Variants in GALNT14 observed in about 807,000 individuals in gnomAD.
The protein encoded by GALNT14 is polypeptide N-acetylgalactosaminyltransferase 14.
In GALNT14, 60 loss-of-function variants were observed where a neutral mutation model predicts 77.5. The ratio of observed to expected loss-of-function variants is 0.77; its 90% confidence interval spans 0.63 to 0.96. GALNT14 has a LOEUF of 0.96. GALNT14 is among the 40% of genes least tolerant of loss of function. GALNT14 has a pLI of 0.00. For synonymous variants in GALNT14, 280 were observed against 281.7 expected, an observed-to-expected ratio of 0.99 and a Z score of 0.06; for missense variants, 710 against 731.0, an observed-to-expected ratio of 0.97 and a Z score of 0.33.
Position 30,932,095 on chromosome 2 carries a change from G to T in GALNT14, c.1031C>A (p.Pro344His). 6.3e-7 allele frequency: 1 copy of T among 1,575,464 alleles called. No homozygotes were observed. Among genetic ancestry groups the T allele is most frequent in the East Asian group, 2.4e-5 (1 of 41,644 alleles). Residue 344 changes from proline (P) to histidine (H), a missense_variant, in exon 10 of 15, where the codon CCT becomes CAT. Pro to His is a moderately conservative substitution (Grantham distance 77). Coordinates refer to ENST00000349752, the MANE Select transcript of GALNT14 (RefSeq NM_024572.4). ...TATATACGTGTTGGCATTTCCATCA[G>T]GGAAAACGTAGGGGTGCTTCTTCCG... ...VFRKKHPYVF[P>H]DGNANTYIKN... is the part of the protein sequence containing the mutation.
intron 1 of GALNT14, among the ~76,000 whole-genome samples, chr2:31,058,105 C>T (rs1169815424): frequency 1.3e-5 from 2 of 152,176 alleles, no homozygotes; most frequent in African/African-American, 2.4e-5. Flanking sequence ...ATTCCCTTAC[C>T]TTTGCCAAGA....
chr2:31,021,188 G>A (rs979531393), intron 1 of GALNT14, among the ~76,000 whole-genome samples: 1 of 152,176 alleles, frequency 6.6e-6, no homozygotes, highest in East Asian at 1.9e-4. Context: ...GGGCCATGTG[G>A]AGCTGTGGTC....
chr2:31,116,018 G>A (rs1678088638), intron 1 of GALNT14, among the ~76,000 whole-genome samples: 1 of 152,116 alleles, frequency 6.6e-6, no homozygotes, highest in Non-Finnish European at 1.5e-5. Context: ...GACAGATCCT[G>A]TCTCCAAAAT....
chr2:31,028,956 T>C (rs1672241153), intron 1 of GALNT14, among the ~76,000 whole-genome samples: 1 of 152,166 alleles, frequency 6.6e-6, no homozygotes, highest in Admixed American at 6.5e-5. Flanking sequence ...CTTTCTAGAA[T>C]GAAGAATGAG....
At chr2:30,890,881 G>A in the GALNT14 span, among the ~76,000 whole-genome samples, 1 of 152,218 alleles carries the variant, frequency 6.6e-6, no homozygotes, top group African/African-American at 2.4e-5. Context: ...TGCATGGGTA[G>A]TTGGGGGAAT....
chr2:30,988,363 G>C (rs1180911806), intron 2 of GALNT14, among the ~76,000 whole-genome samples: 4 of 152,182 alleles, frequency 2.6e-5, no homozygotes, highest in African/African-American at 9.7e-5. Flanking sequence ...GAAGTCCAGA[G>C]TGGGCCAATG....
intron 1 of GALNT14, among the ~76,000 whole-genome samples, chr2:31,020,872 C>T (rs1352840195): frequency 6.6e-6 from 1 of 152,190 alleles, no homozygotes; most frequent in Non-Finnish European, 1.5e-5. Context: ...ATAGGCTTTC[C>T]AGCAGCCTGC....
intron 9 of GALNT14, among the ~76,000 whole-genome samples, chr2:30,937,679 T>G (rs1408765727): frequency 6.6e-6 from 1 of 152,208 alleles, no homozygotes; most frequent in Non-Finnish European, 1.5e-5. Context: ...TTTTAAGGGC[T>G]CAAGTGTTTA....
chr2:31,026,929 G>A (rs1222238309), intron 1 of GALNT14, among the ~76,000 whole-genome samples: 6 of 128,186 alleles, frequency 4.7e-5, no homozygotes, highest in African/African-American at 1.1e-4. Flanking sequence ...TACACAGCAC[G>A]CATATCTACA....
intron 1 of GALNT14, among the ~76,000 whole-genome samples, chr2:31,137,097 A>G (rs1679258713): frequency 6.6e-6 from 1 of 152,206 alleles, no homozygotes; most frequent in Admixed American, 6.5e-5. Context: ...GAGAAAACGG[A>G]AGGCTACCAT....
intron 13 of GALNT14, among the ~76,000 whole-genome samples, chr2:30,918,823 G>C (rs1057479983): frequency 7.4e-6 from 1 of 135,816 alleles, no homozygotes; most frequent in Non-Finnish European, 1.6e-5. Context: ...TGTGGGCTGG[G>C]AGGGTGGCAT....
chr2:31,107,931 G>C (rs1034126695), intron 1 of GALNT14, among the ~76,000 whole-genome samples: 2 of 152,090 alleles, frequency 1.3e-5, no homozygotes, highest in South Asian at 4.1e-4. Flanking sequence ...GATTCTTTAG[G>C]ACTAGGATCT....
intron 1 of GALNT14, among the ~76,000 whole-genome samples, chr2:31,103,306 G>A (rs1677380260): frequency 6.6e-6 from 1 of 152,058 alleles, no homozygotes; most frequent in African/African-American, 2.4e-5. Flanking sequence ...CTCTAGACAA[G>A]ACTTATTAAC....
intron 1 of GALNT14, among the ~76,000 whole-genome samples, chr2:30,999,050 C>A (rs1670203353): frequency 6.6e-6 from 1 of 152,234 alleles, no homozygotes; most frequent in South Asian, 2.1e-4. Context: ...AGGAGGTATT[C>A]TGCAGCTGGA....
At chr2:31,062,923 T>C (rs1016782648) in intron 1 of GALNT14, among the ~76,000 whole-genome samples, 6 of 152,232 alleles carry the variant, frequency 3.9e-5, no homozygotes, top group Non-Finnish European at 8.8e-5. Context: ...GGTTTTACTC[T>C]TGTAAATTTG....
chr2:30,995,592 C>G (rs1001126356), intron 1 of GALNT14, among the ~76,000 whole-genome samples: 4 of 152,156 alleles, frequency 2.6e-5, no homozygotes, highest in Admixed American at 6.5e-5. Context: ...CACCTGGGCT[C>G]CAGCGATCCT....
At chr2:30,935,991 G>A (rs762052687) in intron 9 of GALNT14, among the ~76,000 whole-genome samples, 1 of 152,128 alleles carries the variant, frequency 6.6e-6, no homozygotes, top group Non-Finnish European at 1.5e-5. Context: ...TTTGCTGGGG[G>A]TTCTTGCTGA....
At chr2:31,056,977 C>T (rs1442667758) in intron 1 of GALNT14, among the ~76,000 whole-genome samples, 2 of 152,124 alleles carry the variant, frequency 1.3e-5, no homozygotes, top group African/African-American at 4.8e-5. Context: ...ATGTCCTTTG[C>T]AGCCACATGG....
chr2:31,001,744 G>A lies in GALNT14; in HGVS notation c.130-8737C>T, dbSNP rs999213038. Among the ~76,000 whole-genome samples the A allele has an allele frequency of 3.3e-5, 5 of 151,852 alleles. No homozygotes were observed. The East Asian group carries it at 9.7e-4, about 29-fold the overall frequency. The stretch of plus-strand genomic sequence containing the variant: ...GATGCTCCAAGGACTCTGGATACAG[G>A]AATACTAGATATAGAATAAGGCATA... On this transcript the variant is annotated intron_variant, in intron 1 of 14. Coordinates refer to ENST00000349752, the MANE Select transcript of GALNT14 (RefSeq NM_024572.4).
Sources: gnomAD v4.1 joint callset for allele counts (sites outside exome capture counted in the v4.1 genomes callset) on GRCh38, gnomAD v4.1.1 for gene constraint, MANE v1.5 for transcripts, NCBI Gene and HGNC (gene_info 2026-07-23, HGNC 2026-07-21) for gene names.